The following BRINP2 variants were observed in gnomAD, a reference collection of about 807,000 sequenced individuals.
BRINP2 encodes BMP/retinoic acid-inducible neural-specific protein 2.
In BRINP2, 21 loss-of-function variants were observed where a neutral mutation model predicts 69.2. That is an observed-to-expected ratio of 0.30 (90% CI 0.22 to 0.44). The LOEUF is 0.44. BRINP2 is among the 20% of genes least tolerant of loss of function. The probability of loss-of-function intolerance (pLI) is 1.00; values close to 1 mark genes in which losing one functional copy is unlikely to be tolerated. For synonymous variants in BRINP2, 380 were observed against 394.1 expected, an observed-to-expected ratio of 0.96 and a Z score of 0.42; for missense variants, 877 against 986.0, an observed-to-expected ratio of 0.89 and a Z score of 1.48.
chr1:177,236,175 A>G (rs1650016339), intron 2 of BRINP2, among the ~76,000 whole-genome samples: 2 of 152,210 alleles, frequency 1.3e-5, no homozygotes, highest in African/African-American at 4.8e-5. Context: ...CTAAACACAC[A>G]GGTCCTGTAA....
Position 177,171,461 on chromosome 1 carries a change from C to T in BRINP2, c.-348C>T. On this transcript the variant is annotated 5_prime_UTR_variant, in exon 1 of 8. Transcript: ENST00000361539. The stretch of plus-strand genomic sequence containing the variant: ...CAGGCAAGTGGTCTAACGTTGGCGG[C>T]GGTGGCGGTGGCGGCGGCGGCGGCA... 1 of 163,014 alleles carries T rather than the reference C, an allele frequency of 6.1e-6. No individual in the cohort carries two copies. The allele number at this position is 163,014 out of a possible 1,614,324, so 10.1% of individuals were successfully genotyped here.
chr1:177,272,962 C>T (rs1406167924), intron 4 of BRINP2, among the ~76,000 whole-genome samples: 1 of 152,126 alleles, frequency 6.6e-6, no homozygotes, highest in Non-Finnish European at 1.5e-5. Flanking sequence ...GCAGTAAGCC[C>T]ATAGCTGATT....
At chr1:177,278,820 G>C (rs1173355014) in intron 7 of BRINP2, 35 bp downstream of exon 7, 1 of 1,602,774 alleles carries the variant, frequency 6.2e-7, no homozygotes, top group South Asian at 1.1e-5. Flanking sequence ...CCAGAGCTCA[G>C]CACCTCCCCT....
At chr1:177,255,732 G>GTGAA (rs144246065) in intron 2 of BRINP2, among the ~76,000 whole-genome samples, 187 bp from the exon 3 acceptor site, 2,610 of 152,368 alleles carry the variant, frequency 0.017, 86 homozygotes, top group African/African-American at 0.06. Flanking sequence ...CTTACAGCAT[G>GTGAA]TGAATGACAG....
chr1:177,203,582 G>C (rs972787587), intron 1 of BRINP2, among the ~76,000 whole-genome samples: 2 of 151,596 alleles, frequency 1.3e-5, no homozygotes, highest in African/African-American at 4.8e-5. Context: ...TAAAAAAAAA[G>C]ACCCACTGGG....
chr1:177,223,444 G>A (rs780853365), intron 1 of BRINP2, among the ~76,000 whole-genome samples: 2 of 152,184 alleles, frequency 1.3e-5, no homozygotes, highest in Non-Finnish European at 2.9e-5. Flanking sequence ...TCTTGTTCAT[G>A]AGATTTACTC....
Position 177,216,817 on chromosome 1 carries a change from A to G in BRINP2, c.-76-12984A>G, listed in dbSNP as rs201549138. On this transcript the variant is annotated intron_variant, in intron 1 of 7. Transcript: ENST00000361539. ...TTTTTCACTTCACCACTTTGAATAT[A>G]TCATCCAATTCTCTCCTGGCCCGCG... Among the ~76,000 whole-genome samples, 5 of 145,158 alleles carry G rather than the reference A, an allele frequency of 3.4e-5. No homozygotes were observed. The East Asian group carries it at 9.9e-4, about 29-fold the overall frequency.
At chr1:177,256,568 C>T (rs1407118152) in intron 3 of BRINP2, 1 of 985,304 alleles carries the variant, frequency 1.0e-6, no homozygotes, top group African/African-American at 1.7e-5. Context: ...GATGAATCAT[C>T]CTCTTGTGGG....
chr1:177,253,861 C>T (rs1365164337), intron 2 of BRINP2, among the ~76,000 whole-genome samples: 1 of 151,930 alleles, frequency 6.6e-6, no homozygotes, highest in African/African-American at 2.4e-5. Context: ...TATTTTTATG[C>T]AACTCTATCA....
intron 4 of BRINP2, among the ~76,000 whole-genome samples, chr1:177,271,048 G>T (rs911299740): frequency 2.0e-5 from 3 of 152,156 alleles, no homozygotes; most frequent in African/African-American, 7.2e-5. Flanking sequence ...CAGAACACTG[G>T]GGTTGTTTAA....
intron 1 of BRINP2, among the ~76,000 whole-genome samples, chr1:177,210,783 A>G (rs1206914956): frequency 6.6e-6 from 1 of 151,874 alleles, no homozygotes; most frequent in African/African-American, 2.4e-5. Context: ...ATGAAAAATT[A>G]TTATCTAAAC....
chr1:177,261,950 A>G (rs760865942), intron 4 of BRINP2, among the ~76,000 whole-genome samples: 5 of 152,214 alleles, frequency 3.3e-5, no homozygotes, highest in Admixed American at 6.5e-5. Context: ...CACTAAGGTG[A>G]AGATTGAGAC....
intron 1 of BRINP2, among the ~76,000 whole-genome samples, chr1:177,199,542 C>G (rs1044812228): frequency 6.6e-6 from 1 of 152,154 alleles, no homozygotes; most frequent in African/African-American, 2.4e-5. Context: ...TCTAGATTTC[C>G]TTTGTATTCA....
intron 2 of BRINP2, among the ~76,000 whole-genome samples, chr1:177,245,916 T>C (rs1293903004): frequency 6.6e-6 from 1 of 152,134 alleles, no homozygotes; most frequent in African/African-American, 2.4e-5. Flanking sequence ...TTAATTAAAC[T>C]GTTTGAAAGC....
At position 177,280,610 on chromosome 1, in the gene BRINP2, G is replaced by T; in HGVS notation, c.1434G>T (p.Gly478=). The T allele has an allele frequency of 6.2e-7, 1 of 1,614,190 alleles. No individual in the cohort carries two copies. Among genetic ancestry groups the T allele is most frequent in the African/African-American group, 1.3e-5 (1 of 75,078 alleles). The part of the protein sequence containing the change: ...HCAPDNSTRC[G]SCNPGYVLAQ... ...CTCCAGACAATAGCACACGCTGTGG[G>T]AGCTGCAACCCGGGCTATGTGCTGG... is the stretch of plus-strand genomic sequence containing the variant. The change falls in exon 8 of 8, where the codon GGG becomes GGT. Residue 478 remains glycine (G), a synonymous_variant. Coordinates refer to ENST00000361539, the MANE Select transcript of BRINP2 (RefSeq NM_021165.4).
chr1:177,262,087 A>C (rs1464942047), intron 4 of BRINP2, among the ~76,000 whole-genome samples: 2 of 152,214 alleles, frequency 1.3e-5, no homozygotes, highest in Admixed American at 1.3e-4. Flanking sequence ...ATCAGATATG[A>C]GTAGAAATAA....
At chr1:177,237,235 T>C (rs1571921783) in intron 2 of BRINP2, among the ~76,000 whole-genome samples, 1 of 152,238 alleles carries the variant, frequency 6.6e-6, no homozygotes, top group South Asian at 2.1e-4. Context: ...GAGCATCTCC[T>C]TCGTGCAATG....
chr1:177,263,133 T>C (rs1186354021), intron 4 of BRINP2, among the ~76,000 whole-genome samples: 2 of 152,170 alleles, frequency 1.3e-5, no homozygotes, highest in Non-Finnish European at 2.9e-5. Flanking sequence ...TTGAGGATGC[T>C]AGAAAGTGAA....
rs147553727 is a variant in BRINP2, at chr1:177,276,417, G to C, written c.995G>C (p.Arg332Pro). Residue 332 changes from arginine (R) to proline (P), a missense_variant, in exon 6 of 8, where the codon CGG becomes CCG. Arg to Pro is a moderately radical substitution (Grantham distance 103). Transcript: ENST00000361539. ...CAGGACTCCTGGGCCACTCACAACC[G>C]GCAGTTTGAAGAGTCAGGTGAGCAG... ...QIQDSWATHN[R>P]QFEESEEFQA... 3 of 1,614,098 alleles carry C rather than the reference G, an allele frequency of 1.9e-6. No homozygotes were observed. The highest frequency in any genetic ancestry group is 3.3e-5 in the Admixed American group (2 of 60,032).
Sources: gnomAD v4.1 joint callset for allele counts (sites outside exome capture counted in the v4.1 genomes callset) on GRCh38, gnomAD v4.1.1 for gene constraint, MANE v1.5 for transcripts, NCBI Gene and HGNC (gene_info 2026-07-23, HGNC 2026-07-21) for gene names.